SLC7A11: variants seen among roughly 807,000 people sequenced by gnomAD.
SLC7A11 encodes the protein solute carrier family 7 member 11, also known as cystine/glutamate transporter.
SLC7A11 carries 35 observed loss-of-function variants against 54.5 expected under a neutral mutation model. The ratio of observed to expected loss-of-function variants is 0.64; its 90% CI spans 0.49 to 0.85. The LOEUF (loss-of-function observed/expected upper bound fraction) is 0.85. Among genes scored for constraint, SLC7A11 ranks in the 40% least tolerant of loss-of-function variants. The pLI, the probability that SLC7A11 is intolerant of heterozygous loss-of-function variation, is 0.00. For synonymous variants in SLC7A11, 230 were observed against 225.2 expected, an observed-to-expected ratio of 1.02 and a Z score of -0.19; for missense variants, 583 against 618.1, an observed-to-expected ratio of 0.94 and a Z score of 0.60.
chr4:138,228,967 G>A (rs1307157980), intron 3 of SLC7A11, among the ~76,000 whole-genome samples: 1 of 151,890 alleles, frequency 6.6e-6, no homozygotes, highest in African/African-American at 2.4e-5. Flanking sequence ...AAAAAAATGG[G>A]GGTGAATTAG....
intron 6 of SLC7A11, among the ~76,000 whole-genome samples, chr4:138,212,506 G>GAA (rs1161409113): frequency 7.3e-6 from 1 of 136,650 alleles, no homozygotes; most frequent in African/African-American, 2.7e-5. Flanking sequence ...CTTTGCAACA[G>GAA]AAAAAAAAAA....
intron 6 of SLC7A11, among the ~76,000 whole-genome samples, chr4:138,196,031 G>C (rs1269073802): frequency 6.6e-6 from 1 of 152,050 alleles, no homozygotes; most frequent in Non-Finnish European, 1.5e-5. Flanking sequence ...AAGAGAAAGG[G>C]GAAGATAGAA....
At position 138,219,227 on chromosome 4, in the gene SLC7A11, G is replaced by A; in HGVS notation, c.746+39C>T. On this transcript the variant is annotated intron_variant, in intron 5 of 11. Coordinates refer to ENST00000280612, the MANE Select transcript of SLC7A11 (RefSeq NM_014331.4). The stretch of plus-strand genomic sequence containing the variant: ...AATCTGAGTGCATAATGGGATTAAT[G>A]AACTACGCAAACCACCAGATCTGGA... 2.6e-6 allele frequency: 3 copies of A among 1,155,932 alleles called. No individual in the cohort carries two copies. The South Asian group carries it at 3.8e-5, about 15-fold the overall frequency. The allele number at this position is 1,155,932 out of a possible 1,614,324, so 71.6% of individuals were successfully genotyped here. A position where few individuals can be genotyped will look rare whatever the true frequency, so the allele number is the denominator to read the frequency against.
At chr4:138,217,051 A>C (rs1223882544) in intron 5 of SLC7A11, among the ~76,000 whole-genome samples, 1 of 152,166 alleles carries the variant, frequency 6.6e-6, no homozygotes, top group East Asian at 1.9e-4. Flanking sequence ...CCACACCAAC[A>C]GACTATATTT....
chr4:138,184,793 AG>A (rs1736835251), intron 7 of SLC7A11, among the ~76,000 whole-genome samples: 1 of 18,744 alleles, frequency 5.3e-5, no homozygotes, highest in South Asian at 0.05. Context: ...TAATTTGCAT[AG>A]AAAAAATGCA....
At chr4:138,213,465 C>T (rs1235032712) in intron 6 of SLC7A11, among the ~76,000 whole-genome samples, 1 of 151,834 alleles carries the variant, frequency 6.6e-6, no homozygotes, top group East Asian at 1.9e-4. Context: ...CTATTTCATA[C>T]TGATGCACCT....
intron 6 of SLC7A11, among the ~76,000 whole-genome samples, chr4:138,185,957 A>G (rs1736866019): frequency 6.6e-6 from 1 of 152,142 alleles, no homozygotes; most frequent in Non-Finnish European, 1.5e-5. Flanking sequence ...GATCGTGAGT[A>G]TCTAATAATG....
intron 7 of SLC7A11, among the ~76,000 whole-genome samples, chr4:138,183,636 G>T (rs1040166716): frequency 2.0e-5 from 3 of 152,084 alleles, no homozygotes; most frequent in Non-Finnish European, 2.9e-5. Flanking sequence ...CAAATCAGAA[G>T]TTCTACTGGA....
intron 8 of SLC7A11, among the ~76,000 whole-genome samples, chr4:138,182,686 A>T (rs1346715478): frequency 6.6e-6 from 1 of 152,134 alleles, no homozygotes. Context: ...CTAGTTCTAG[A>T]TTCCTAGTAT....
chr4:138,201,711 G>C (rs533437081), intron 6 of SLC7A11, among the ~76,000 whole-genome samples: 1 of 152,050 alleles, frequency 6.6e-6, no homozygotes, highest in African/African-American at 2.4e-5. Context: ...TAGTCCCTAT[G>C]GGTGACAAAT....
In SLC7A11 at chr4:138,170,115, ACTCTGG is replaced by A; in HGVS notation, c.*1835_*1840del. On this transcript the variant is annotated 3_prime_UTR_variant, in exon 12 of 12. Transcript: ENST00000280612. ...GGACAAAAATTAAAGGATGAAACATACTCTGGCCATGACTAACCATTTTACCTTAGA... is the reference window on the plus strand; with the variant it reads ...GGACAAAAATTAAAGGATGAAACATACCATGACTAACCATTTTACCTTAGA... 1 of 149,174 alleles carries A rather than the reference ACTCTGG, an allele frequency of 6.7e-6. No homozygotes were observed. The highest frequency in any genetic ancestry group is 2.4e-5 in the African/African-American group (1 of 40,858). 9.2% of individuals were successfully genotyped at this position (149,174 alleles called of 1,614,324 possible).
chr4:138,212,486 A>C (rs2148437493), intron 6 of SLC7A11, among the ~76,000 whole-genome samples: 1 of 151,808 alleles, frequency 6.6e-6, no homozygotes, highest in South Asian at 2.1e-4. Flanking sequence ...TTTTTTAGAT[A>C]AGGGAATTTC....
intron 11 of SLC7A11, chr4:138,178,271 T>C (rs1376899566): frequency 6.6e-6 from 1 of 152,208 alleles, no homozygotes; most frequent in African/African-American, 2.4e-5. Flanking sequence ...CTGAGAATAA[T>C]GGCTTCCAGC....
chr4:138,200,632 G>C (rs1171958419), intron 6 of SLC7A11, among the ~76,000 whole-genome samples: 2 of 151,976 alleles, frequency 1.3e-5, no homozygotes, highest in African/African-American at 4.8e-5. Flanking sequence ...AAAGGATCAG[G>C]ATTTTAACTT....
rs1221118674 is a variant in SLC7A11, at chr4:138,165,675, T to C, written c.*6281A>G. The C allele has an allele frequency of 2.6e-5, 4 of 152,116 alleles. No homozygotes were observed. The highest frequency in any genetic ancestry group is 7.2e-5 in the African/African-American group (3 of 41,432). The allele number at this position is 152,116 out of a possible 1,614,324, so 9.4% of individuals were successfully genotyped here. A position where few individuals can be genotyped will look rare whatever the true frequency, so the allele number is the denominator to read the frequency against. ...AACCAAAATATATTTTAAAGCAAAATATATCCTGATACTACTATAGATTCT... is the reference window on the plus strand; with the variant it reads ...AACCAAAATATATTTTAAAGCAAAACATATCCTGATACTACTATAGATTCT... On this transcript the variant is annotated 3_prime_UTR_variant, in exon 12 of 12. Transcript: ENST00000280612.
rs769196383 is a variant in SLC7A11 at position 138,182,374 on chromosome 4, G to C, written c.1039C>G (p.Arg347Gly). 1 of 1,607,522 alleles carries C rather than the reference G, an allele frequency of 6.2e-7. No homozygotes were observed. Among genetic ancestry groups the C allele is most frequent in the South Asian group, 1.1e-5 (1 of 90,906 alleles). The change falls in exon 9 of 12, where the codon CGA becomes GGA. Residue 347 changes from arginine to glycine, a missense_variant. Transcript: ENST00000280612. ...AGGATTTCTGGAAGGTGACCCTCTC[G>C]AGACGCAACATAGAATAACCTGATG... Reference protein sequence around the residue: ...AVSRLFYVASREGHLPEILSM... With the variant: ...AVSRLFYVASGEGHLPEILSM...
In SLC7A11 at chr4:138,170,947, G is replaced by A. The variant is rs1370233671; in HGVS notation, c.*1009C>T. ...GCACAAACTGTCAAAATTCATCATC[G>A]TGTAAAAATAGCCATAAATTTAAAA... is the stretch of plus-strand genomic sequence containing the variant. On this transcript the variant is annotated 3_prime_UTR_variant, in exon 12 of 12. Coordinates refer to ENST00000280612, the MANE Select transcript of SLC7A11 (RefSeq NM_014331.4). The A allele has an allele frequency of 1.3e-5, 2 of 152,036 alleles. No individual in the cohort carries two copies. The highest frequency in any genetic ancestry group is 2.4e-5 in the African/African-American group (1 of 41,390). 9.4% of individuals were successfully genotyped at this position (152,036 alleles called of 1,614,324 possible).
chr4:138,211,068 AATG>A (rs1349334764), intron 6 of SLC7A11, among the ~76,000 whole-genome samples: 1 of 152,104 alleles, frequency 6.6e-6, no homozygotes, highest in African/African-American at 2.4e-5. Flanking sequence ...CATAAAAAAG[AATG>A]ATATCATGTC....
At chr4:138,202,009 C>T (rs1232122118) in intron 6 of SLC7A11, among the ~76,000 whole-genome samples, 1 of 152,028 alleles carries the variant, frequency 6.6e-6, no homozygotes, top group African/African-American at 2.4e-5. Context: ...TGAAATGTAG[C>T]AGACCCATCA....
Sources: allele counts gnomAD v4.1 joint callset (sites outside exome capture counted in the v4.1 genomes callset), GRCh38; gene constraint gnomAD v4.1.1; transcripts MANE v1.5; gene names NCBI Gene and HGNC (gene_info 2026-07-23, HGNC 2026-07-21).